HSP90AA1: variants seen among roughly 807,000 people sequenced by gnomAD.
HSP90AA1 encodes the protein heat shock protein HSP 90-alpha.
A neutral mutation model predicts 73.3 loss-of-function variants in HSP90AA1; 18 were observed. The ratio of observed to expected loss-of-function variants is 0.25; its 90% CI spans 0.17 to 0.36. The LOEUF is 0.36. HSP90AA1 is among the 10% of genes least tolerant of loss of function. HSP90AA1 has a pLI of 1.00. For missense variants in HSP90AA1, 704 were observed against 874.2 expected, an observed-to-expected ratio of 0.81 and a Z score of 2.45; for synonymous variants, 477 against 296.9, an observed-to-expected ratio of 1.61 and a Z score of -6.24.
intron 1 of HSP90AA1, among the ~76,000 whole-genome samples, chr14:102,109,118 T>C (rs1003622145): frequency 2.6e-5 from 4 of 152,210 alleles, no homozygotes; most frequent in African/African-American, 9.6e-5. Context: ...CCTATGTTTC[T>C]TCCCTATCAA....
chr14:102,086,164 CAAG>C lies in HSP90AA1; in HGVS notation c.163-43_163-41del, dbSNP rs3830965. 5,307 of 1,614,128 alleles carry C rather than the reference CAAG, an allele frequency of 3.3e-3. 103 individuals are homozygous for C. In the East Asian group the frequency reaches 0.043, roughly 13 times the overall value. On this transcript the variant is annotated intron_variant, in intron 2 of 10. Coordinates refer to ENST00000216281, the MANE Select transcript of HSP90AA1 (RefSeq NM_005348.4). ...TATTAATTTAAGCATACAGCACCCC[CAAG>C]AAGTTCACACTGAAACCAAAATCCG...
At chr14:102,125,403 T>C (rs2049828033) in intron 1 of HSP90AA1, among the ~76,000 whole-genome samples, 1 of 152,218 alleles carries the variant, frequency 6.6e-6, no homozygotes, top group Non-Finnish European at 1.5e-5. Flanking sequence ...TCTATCCTAC[T>C]AAACTGAAAT....
rs151093595 is a variant in HSP90AA1 at position 102,121,822 on chromosome 14, C to G, written c.155+17428G>C. Among the ~76,000 whole-genome samples, 691 of 152,220 alleles carry G rather than the reference C, an allele frequency of 4.5e-3. 4 individuals carry two copies. Among genetic ancestry groups the G allele is most frequent in the South Asian group, 9.8e-3 (47 of 4,818 alleles). Reference sequence around the variant, plus strand: ...TGAATTGCTTGCTTATGTCCTTTGCCTATTTTTTTCTACTGGGTTTTCTTT... The same window carrying G: ...TGAATTGCTTGCTTATGTCCTTTGCGTATTTTTTTCTACTGGGTTTTCTTT... On this transcript the variant is annotated intron_variant, in intron 1 of 11. Coordinates refer to the HSP90AA1 transcript ENST00000334701.
At chr14:102,126,692 C>T (rs1190599) in intron 1 of HSP90AA1, among the ~76,000 whole-genome samples, 125,402 of 151,966 alleles carry the variant, frequency 0.83, 52,537 homozygotes, top group East Asian at 0.97. Context: ...GCCCGGCTAA[C>T]TTTGTTTTTG....
At chr14:102,136,905 CA>C (rs1213214036) in intron 1 of HSP90AA1, among the ~76,000 whole-genome samples, 22 of 99,186 alleles carry the variant, frequency 2.2e-4, no homozygotes, top group East Asian at 1.6e-3. Context: ...AAAAAGGAAA[CA>C]AAAAAAAAAG....
chr14:102,083,777 GGTTA>G lies in HSP90AA1; in HGVS notation c.1338+12_1338+15del, dbSNP rs2049153787. On this transcript the variant is annotated intron_variant, in intron 7 of 10. Coordinates refer to ENST00000216281, the MANE Select transcript of HSP90AA1 (RefSeq NM_005348.4). The stretch of plus-strand genomic sequence containing the variant: ...TAAAGAGGCCAATTGGAAAACTAAT[GGTTA>G]TTTACACCAACCTTTATGTTTTTAG... The G allele has an allele frequency of 1.9e-6, 3 of 1,591,498 alleles. No individual in the cohort carries two copies. The highest frequency in any genetic ancestry group is 1.1e-5 in the South Asian group (1 of 89,156).
chr14:102,124,848 G>A (rs925923868), intron 1 of HSP90AA1, among the ~76,000 whole-genome samples: 2 of 152,122 alleles, frequency 1.3e-5, no homozygotes, highest in Non-Finnish European at 2.9e-5. Flanking sequence ...TTTATGTTAT[G>A]TCTTTTGACC....
At chr14:102,098,758 C>T (rs534187806) in intron 2 of HSP90AA1, among the ~76,000 whole-genome samples, 4 of 151,850 alleles carry the variant, frequency 2.6e-5, no homozygotes, top group African/African-American at 9.7e-5. Flanking sequence ...TGCAATGGCA[C>T]GATCTTGGCT....
rs2049200979 is a variant in HSP90AA1, at chr14:102,085,349, C to T, written c.612G>A (p.Lys204=). 9 of 1,611,818 alleles carry T rather than the reference C, an allele frequency of 5.6e-6. No homozygotes were observed. The highest frequency in any genetic ancestry group is 1.7e-5 in the Admixed American group (1 of 59,988). Residue 204 remains lysine (K), a synonymous_variant, in exon 4 of 11, where the codon AAG becomes AAA. Coordinates refer to ENST00000216281, the MANE Select transcript of HSP90AA1 (RefSeq NM_005348.4). ...ACTGAGAATGTTTCTTCACAATCTC[C>T]TTTATTCTTCGTTCCTCCAAGTACT... ...QTEYLEERRI[K]EIVKKHSQFI...
intron 9 of HSP90AA1, 144 bp from the exon 10 acceptor site, chr14:102,082,588 C>A: frequency 1.5e-6 from 1 of 686,870 alleles, no homozygotes; most frequent in Admixed American, 2.4e-5. Context: ...CATTAGGTAT[C>A]CAAAGAGCAC....
At chr14:102,129,664 A>C (rs2049883349) in intron 1 of HSP90AA1, among the ~76,000 whole-genome samples, 1 of 151,548 alleles carries the variant, frequency 6.6e-6, no homozygotes, top group East Asian at 2.0e-4. Context: ...CACCATTCCC[A>C]GCTAATTTTT....
chr14:102,118,610 T>C (rs1178827673), intron 1 of HSP90AA1, among the ~76,000 whole-genome samples: 1 of 152,120 alleles, frequency 6.6e-6, no homozygotes, highest in Non-Finnish European at 1.5e-5. Flanking sequence ...CCTAATCCTA[T>C]TTATTGAACA....
intron 1 of HSP90AA1, among the ~76,000 whole-genome samples, chr14:102,116,128 T>G (rs567582917): frequency 6.6e-6 from 1 of 152,080 alleles, no homozygotes; most frequent in African/African-American, 2.4e-5. Context: ...ATTTTTTTTG[T>G]ATTTTTAGTA....
chr14:102,127,978 T>A (rs2049859225), intron 1 of HSP90AA1, among the ~76,000 whole-genome samples: 1 of 152,070 alleles, frequency 6.6e-6, no homozygotes, highest in Non-Finnish European at 1.5e-5. Flanking sequence ...AAGAAGCAAT[T>A]CTATTAACAA....
chr14:102,082,288 G>A lies in HSP90AA1; in HGVS notation c.1912C>T (p.Pro638Ser), dbSNP rs2049117444. The A allele has an allele frequency of 6.2e-7, 1 of 1,613,754 alleles. No individual in the cohort carries two copies. ...MAAKKHLEIN[P>S]DHSIIETLRQ... ...AAGGTCTCAATAATGGAATGGTCAG[G>A]GTTTATCTCCAGGTGTTTCTTTGCT... The change falls in exon 10 of 11, where the codon CCT (proline) becomes TCT (serine). Residue 638 changes from proline (P) to serine (S), a missense_variant. Pro to Ser is a moderately conservative substitution (Grantham distance 74). Coordinates refer to ENST00000216281, the MANE Select transcript of HSP90AA1 (RefSeq NM_005348.4).
At chr14:102,081,988 T>C (rs1041225530) in intron 10 of HSP90AA1, 123 bp downstream of exon 10, 6 of 809,456 alleles carry the variant, frequency 7.4e-6, no homozygotes, top group Non-Finnish European at 1.1e-5. Context: ...AAAAACATAC[T>C]TTAATACCTC....
At chr14:102,113,669 C>T (rs537601000) in intron 1 of HSP90AA1, among the ~76,000 whole-genome samples, 260 of 151,868 alleles carry the variant, frequency 1.7e-3, no homozygotes, top group African/African-American at 5.6e-3. Flanking sequence ...CGTGAGCCAC[C>T]GCACCAGGCA....
At chr14:102,102,286 A>G (rs1222548790) in intron 1 of HSP90AA1, among the ~76,000 whole-genome samples, 2 of 152,190 alleles carry the variant, frequency 1.3e-5, no homozygotes, top group African/African-American at 4.8e-5. Flanking sequence ...GGGTCCCAGT[A>G]AGGAGCTGGG....
At chr14:102,089,586 C>T (rs1297260582), upstream of HSP90AA1, among the ~76,000 whole-genome samples, 2 of 152,122 alleles carry the variant, frequency 1.3e-5, no homozygotes, top group Non-Finnish European at 2.9e-5. Flanking sequence ...GTCTTTGCCC[C>T]CAGGAAATCT....
Sources: allele counts gnomAD v4.1 joint callset (sites outside exome capture counted in the v4.1 genomes callset), GRCh38; gene constraint gnomAD v4.1.1; transcripts MANE v1.5; gene names NCBI Gene and HGNC (gene_info 2026-07-23, HGNC 2026-07-21).